Variants in WSB1 observed in about 807,000 individuals in gnomAD.
The protein encoded by WSB1 is WD repeat and SOCS box-containing protein 1.
WSB1 carries 23 observed loss-of-function variants against 50.2 expected under a neutral mutation model. That is an observed-to-expected ratio of 0.46 (90% CI 0.33 to 0.65). WSB1 has a LOEUF of 0.65. Ranked by LOEUF, WSB1 falls within the 30% of genes least tolerant of loss-of-function variation. The probability of loss-of-function intolerance (pLI) is 0.02; values close to 1 mark genes in which losing one functional copy is unlikely to be tolerated. For synonymous variants in WSB1, 179 were observed against 172.0 expected (o/e 1.04, Z -0.32); for missense variants, 492 against 522.3 (o/e 0.94, Z 0.56).
chr17:27,311,431 A>G (rs1200550855), intron 7 of WSB1, 78 bp from the exon 8 acceptor site: 1 of 1,132,894 alleles, frequency 8.8e-7, no homozygotes. Context: ...ACTCAATGGC[A>G]TTTCTTTCTA....
Position 27,310,710 on chromosome 17 carries a change from T to A in WSB1, c.998+536T>A, listed in dbSNP as rs542558221. On this transcript the variant is annotated intron_variant, in intron 7 of 8. Transcript: ENST00000262394. ...TCTTCCCAGAATGTTAGCAAACATA[T>A]GGAGAGAGGTTTTTTTTGTTTGTTT... Among the ~76,000 whole-genome samples, 7 of 150,636 alleles carry A rather than the reference T, an allele frequency of 4.6e-5. No individual in the cohort carries two copies. In the South Asian group the frequency reaches 1.2e-3, roughly 27 times the overall value.
At chr17:27,302,044 T>A (rs1469818227) in intron 2 of WSB1, 88 bp downstream of exon 2, 1 of 1,389,002 alleles carries the variant, frequency 7.2e-7, no homozygotes, top group South Asian at 1.6e-5. Flanking sequence ...ATTTTGATAT[T>A]TAAGTTTTAC....
chr17:27,304,095 T>C (rs941776515), intron 3 of WSB1, among the ~76,000 whole-genome samples: 3 of 152,218 alleles, frequency 2.0e-5, no homozygotes, highest in Non-Finnish European at 4.4e-5. Flanking sequence ...ATAAATGTGT[T>C]GCTTATTGCC....
At position 27,303,385 on chromosome 17, in the gene WSB1, G is replaced by C. The variant is rs1567687020; in HGVS notation, c.228G>C (p.Lys76Asn). 5.0e-6 allele frequency: 8 copies of C among 1,613,806 alleles called. No individual in the cohort carries two copies. The highest frequency in any genetic ancestry group is 1.3e-5 in the African/African-American group (1 of 74,900). Residue 76 changes from lysine to asparagine, a missense_variant, in exon 3 of 9, where the codon AAG becomes AAC. Physicochemically the swap from Lys to Asn is moderately conservative, Grantham distance 94. Transcript: ENST00000262394. Reference sequence around the variant, plus strand: ...ACTCCAGTCTCTTGCATGGCACCAAGAATGTTACCAATTCAAGCAGTTTAA... The same window carrying C: ...ACTCCAGTCTCTTGCATGGCACCAACAATGTTACCAATTCAAGCAGTTTAA... The part of the protein sequence containing the change: ...CLQNFLLHGT[K>N]NVTNSSSLRL...
At chr17:27,308,923 T>C (rs2017560393) in intron 5 of WSB1, 177 bp from the exon 6 acceptor site, 2 of 1,222,282 alleles carry the variant, frequency 1.6e-6, no homozygotes, top group South Asian at 7.3e-5. Context: ...ATGTCTGCCT[T>C]AATTAACTTA....
At position 27,301,823 on chromosome 17, in the gene WSB1, G is replaced by C; in HGVS notation, c.76G>C (p.Ala26Pro). 1.2e-6 allele frequency: 2 copies of C among 1,614,050 alleles called. No individual in the cohort carries two copies. The highest frequency in any genetic ancestry group is 1.7e-6 in the Non-Finnish European group (2 of 1,179,974). ...LRTIGELLAP[A>P]APFDKKCGRE... ...TACTATAGGTGAACTTTTAGCTCCT[G>C]CAGCTCCTTTTGACAAGAAATGTGG... Residue 26 changes from alanine (A) to proline (P), a missense_variant, in exon 2 of 9, where the codon GCA becomes CCA. Ala to Pro is a conservative substitution (Grantham distance 27, BLOSUM62 -1). Coordinates refer to ENST00000262394, the MANE Select transcript of WSB1 (RefSeq NM_015626.10).
Position 27,301,648 on chromosome 17 carries a change from G to A in WSB1, c.41-140G>A, listed in dbSNP as rs565328510. The A allele has an allele frequency of 2.1e-5, 16 of 746,612 alleles. No homozygotes were observed. The Admixed American group carries it at 2.7e-4, about 13-fold the overall frequency. 46.2% of individuals were successfully genotyped at this position (746,612 alleles called of 1,614,324 possible). A position where few individuals can be genotyped will look rare whatever the true frequency, so the allele number is the denominator to read the frequency against. ...GGTCTTCATATACTGCATACCCCCC[G>A]TTAGAGGATGGAATGCAGAACTCAC... On this transcript the variant is annotated intron_variant, in intron 1 of 8. Coordinates refer to ENST00000262394, the MANE Select transcript of WSB1 (RefSeq NM_015626.10).
chr17:27,311,948 C>A (rs1482425480), intron 8 of WSB1, among the ~76,000 whole-genome samples: 1 of 152,088 alleles, frequency 6.6e-6, no homozygotes, highest in East Asian at 1.9e-4. Flanking sequence ...ACACCTGGCC[C>A]ATTTTTCTCT....
intron 1 of WSB1, among the ~76,000 whole-genome samples, chr17:27,299,127 A>G (rs2150829380): frequency 6.6e-6 from 1 of 152,348 alleles, no homozygotes; most frequent in South Asian, 2.1e-4. Context: ...GGTTTGGGAA[A>G]ATTGTAAGGA....
chr17:27,313,762 G>T lies in WSB1; in HGVS notation c.*1393G>T, dbSNP rs937603375. The T allele has an allele frequency of 1.3e-5, 2 of 152,200 alleles. No individual in the cohort carries two copies. 9.4% of individuals were successfully genotyped at this position (152,200 alleles called of 1,614,324 possible). On this transcript the variant is annotated 3_prime_UTR_variant, in exon 9 of 9. Transcript: ENST00000262394. ...TGAAGAAAGAATGCAGGACTCAGGC[G>T]CTGCTCTAGAATTCATTCAGGGCTC...
chr17:27,314,022 T>G lies in WSB1; in HGVS notation c.*1653T>G, dbSNP rs181981877. On this transcript the variant is annotated 3_prime_UTR_variant, in exon 9 of 9. Coordinates refer to ENST00000262394, the MANE Select transcript of WSB1 (RefSeq NM_015626.10). Reference sequence around the variant, plus strand: ...AGGCATTAAAAAAGCAAAACTCTTATGAGCCATGTGTGATTTTGAAGACTC... The same window carrying G: ...AGGCATTAAAAAAGCAAAACTCTTAGGAGCCATGTGTGATTTTGAAGACTC... 2.0e-5 allele frequency: 3 copies of G among 152,224 alleles called. No homozygotes were observed. Among genetic ancestry groups the G allele is most frequent in the Non-Finnish European group, 4.4e-5 (3 of 68,044 alleles). 9.4% of individuals were successfully genotyped at this position (152,224 alleles called of 1,614,324 possible). A position where few individuals can be genotyped will look rare whatever the true frequency, so the allele number is the denominator to read the frequency against.
chr17:27,294,542 T>C, intron 1 of WSB1, 107 bp downstream of exon 1: 1 of 1,494,006 alleles, frequency 6.7e-7, no homozygotes. Context: ...AGAGCTCCAG[T>C]GCGCCAGGGC....
At chr17:27,302,431 AATTGTCTGG>A (rs1412850377) in intron 2 of WSB1, 1 of 151,142 alleles carries the variant, frequency 6.6e-6, no homozygotes, top group African/African-American at 2.5e-5. Flanking sequence ...AAAAAAAAAG[AATTGTCTGG>A]TGTTATTTAT....
At position 27,312,573 on chromosome 17, in the gene WSB1, T is replaced by G. The variant is rs979976553; in HGVS notation, c.*204T>G. 4.7e-6 allele frequency: 3 copies of G among 639,450 alleles called. No individual in the cohort carries two copies. The highest frequency in any genetic ancestry group is 7.3e-6 in the Non-Finnish European group (3 of 408,668). The allele number at this position is 639,450 out of a possible 1,614,324, so 39.6% of individuals were successfully genotyped here. On this transcript the variant is annotated 3_prime_UTR_variant, in exon 9 of 9. Coordinates refer to ENST00000262394, the MANE Select transcript of WSB1 (RefSeq NM_015626.10). Reference sequence around the variant, plus strand: ...ATTTCTGAACATATCAAATATAAATTTTTTTAAAGATCTAACTGTGAAAAC... The same window carrying G: ...ATTTCTGAACATATCAAATATAAATGTTTTTAAAGATCTAACTGTGAAAAC...
intron 5 of WSB1, chr17:27,308,871 TTTAAA>T (rs2066284660): frequency 1.7e-6 from 2 of 1,148,460 alleles, no homozygotes; most frequent in Non-Finnish European, 2.1e-6. Flanking sequence ...TAGGCTTATT[TTTAAA>T]TTAACATTTA....
chr17:27,314,023 G>A lies in WSB1; in HGVS notation c.*1654G>A, dbSNP rs879025765. The A allele has an allele frequency of 2.0e-5, 3 of 152,260 alleles. No individual in the cohort carries two copies. The highest frequency in any genetic ancestry group is 3.4e-3 in the Middle Eastern group (1 of 294). 9.4% of individuals were successfully genotyped at this position (152,260 alleles called of 1,614,324 possible). ...GGCATTAAAAAAGCAAAACTCTTAT[G>A]AGCCATGTGTGATTTTGAAGACTCA... On this transcript the variant is annotated 3_prime_UTR_variant, in exon 9 of 9. Coordinates refer to ENST00000262394, the MANE Select transcript of WSB1 (RefSeq NM_015626.10).
chr17:27,298,336 A>AT (rs1293066186), intron 1 of WSB1, among the ~76,000 whole-genome samples: 2 of 151,940 alleles, frequency 1.3e-5, no homozygotes, highest in South Asian at 2.1e-4. Flanking sequence ...TGAACTTAGC[A>AT]TTTTTTTCCT....
At position 27,309,288 on chromosome 17, in the gene WSB1, A is replaced by G; in HGVS notation, c.884+16A>G. ...TGGAATTTGGGTGGGTACAGCATGA[A>G]TTATTTTAGTCTATAATTCATCTCC... On this transcript the variant is annotated intron_variant, in intron 6 of 8. Coordinates refer to ENST00000262394, the MANE Select transcript of WSB1 (RefSeq NM_015626.10). 2 of 1,550,366 alleles carry G rather than the reference A, an allele frequency of 1.3e-6. No individual in the cohort carries two copies. The highest frequency in any genetic ancestry group is 1.4e-5 in the African/African-American group (1 of 73,428).
At chr17:27,297,370 T>A (rs1397610801) in intron 1 of WSB1, 1 of 152,146 alleles carries the variant, frequency 6.6e-6, no homozygotes, top group Non-Finnish European at 1.5e-5. Context: ...GGTTTCACCA[T>A]GTTAGCCAAG....
Sources: allele counts gnomAD v4.1 joint callset (sites outside exome capture counted in the v4.1 genomes callset), GRCh38; gene constraint gnomAD v4.1.1; transcripts MANE v1.5; gene names NCBI Gene and HGNC (gene_info 2026-07-23, HGNC 2026-07-21).